The following PLCB4 variants were observed in gnomAD, a reference collection of about 807,000 sequenced individuals.
The protein encoded by PLCB4 is 1-phosphatidylinositol 4,5-bisphosphate phosphodiesterase beta-4.
In PLCB4, 77 loss-of-function variants were observed where a neutral mutation model predicts 178.8. That is an observed-to-expected ratio of 0.43 (90% CI 0.36 to 0.52). The LOEUF is 0.52. PLCB4 is among the 20% of genes least tolerant of loss of function. The pLI is 0.00. For missense variants in PLCB4, 1,024 were observed against 1,453.4 expected (o/e 0.70, Z 4.80); for synonymous variants, 496 against 490.8 (o/e 1.01, Z -0.14).
intron 2 of PLCB4, among the ~76,000 whole-genome samples, chr20:9,192,060 C>T (rs1429947549): frequency 6.6e-6 from 1 of 152,078 alleles, no homozygotes; most frequent in African/African-American, 2.4e-5. Context: ...CCTTTTGCAT[C>T]TAAAAGCAGG....
intron 3 of PLCB4, among the ~76,000 whole-genome samples, chr20:9,287,511 A>G (rs1284974464): frequency 6.6e-6 from 1 of 152,182 alleles, no homozygotes; most frequent in Middle Eastern, 3.4e-3. Flanking sequence ...AAGAACTAAT[A>G]AGCAATGATT....
intron 2 of PLCB4, among the ~76,000 whole-genome samples, chr20:9,156,328 CACTA>C (rs1441100223): frequency 6.6e-6 from 1 of 152,154 alleles, no homozygotes; most frequent in Non-Finnish European, 1.5e-5. Context: ...ACTGACATGG[CACTA>C]ACTATGTGCT....
At chr20:9,266,191 A>T (rs1170928285) in intron 3 of PLCB4, among the ~76,000 whole-genome samples, 2 of 152,164 alleles carry the variant, frequency 1.3e-5, no homozygotes, top group Admixed American at 1.3e-4. Context: ...CAACATTGCT[A>T]TCTCTGGAGA....
At chr20:9,444,694 A>G (rs769945626) in intron 32 of PLCB4, among the ~76,000 whole-genome samples, 1 of 152,274 alleles carries the variant, frequency 6.6e-6, no homozygotes, top group Non-Finnish European at 1.5e-5. Flanking sequence ...CCCGGGAGGC[A>G]GAGGTTGCAG....
At chr20:9,388,173 G>T (rs1261281931) in intron 15 of PLCB4, among the ~76,000 whole-genome samples, 1 of 152,152 alleles carries the variant, frequency 6.6e-6, no homozygotes, top group Non-Finnish European at 1.5e-5. Flanking sequence ...GAGAGGTGGA[G>T]GTTGCAGTGA....
intron 28 of PLCB4, among the ~76,000 whole-genome samples, chr20:9,425,740 C>T (rs1347283025): frequency 6.6e-6 from 1 of 152,192 alleles, no homozygotes; most frequent in African/African-American, 2.4e-5. Context: ...GCAGTCGATG[C>T]CTTAACCAGA....
chr20:9,443,876 G>T, intron 30 of PLCB4, 105 bp from the exon 31 acceptor site: 1 of 671,996 alleles, frequency 1.5e-6, no homozygotes, highest in East Asian at 2.5e-5. Flanking sequence ...ATGTAAAGCT[G>T]CTTCAAAGTC....
intron 1 of PLCB4, among the ~76,000 whole-genome samples, chr20:9,090,137 C>G (rs530723929): frequency 1.3e-5 from 2 of 151,656 alleles, no homozygotes; most frequent in Non-Finnish European, 2.9e-5. Flanking sequence ...AATCATTGGC[C>G]TTTGGTGAAG....
At chr20:9,425,123 G>T (rs2040909557) in intron 28 of PLCB4, among the ~76,000 whole-genome samples, 1 of 152,134 alleles carries the variant, frequency 6.6e-6, no homozygotes, top group Non-Finnish European at 1.5e-5. Flanking sequence ...AAAAAGCCTG[G>T]AAAGGGATGC....
intron 2 of PLCB4, among the ~76,000 whole-genome samples, chr20:9,213,335 G>T (rs547872306): frequency 6.6e-6 from 1 of 150,742 alleles, no homozygotes; most frequent in South Asian, 2.1e-4. Flanking sequence ...AGTAGAGACA[G>T]GATTTCACTA....
chr20:9,128,106 C>T (rs1427318521), intron 2 of PLCB4, among the ~76,000 whole-genome samples: 1 of 152,140 alleles, frequency 6.6e-6, no homozygotes, highest in Non-Finnish European at 1.5e-5. Flanking sequence ...GCACGGATCC[C>T]TCATGAATGG....
chr20:9,459,548 C>G, intron 34 of PLCB4, 87 bp from the exon 35 acceptor site: 1 of 912,356 alleles, frequency 1.1e-6, no homozygotes. Flanking sequence ...GTGGGAGGAA[C>G]CTGAAATACC....
At chr20:9,227,399 A>G (rs933392708) in intron 3 of PLCB4, among the ~76,000 whole-genome samples, 4 of 152,026 alleles carry the variant, frequency 2.6e-5, no homozygotes, top group African/African-American at 9.7e-5. Flanking sequence ...TTAAGAATCC[A>G]AGTTTATGAA....
Position 9,184,249 on chromosome 20 carries a change from G to A in PLCB4, c.-78-33141G>A, listed in dbSNP as rs543794267. Among the ~76,000 whole-genome samples the A allele has an allele frequency of 5.3e-5, 8 of 152,218 alleles. No homozygotes were observed. The East Asian group carries it at 9.7e-4, about 18-fold the overall frequency. On this transcript the variant is annotated intron_variant, in intron 2 of 39. Coordinates refer to ENST00000378473, the MANE Select transcript of PLCB4 (RefSeq NM_001377142.1). The stretch of plus-strand genomic sequence containing the variant: ...GTGGTCATGGGAAAAAACGGAAAAG[G>A]GATCAGCATTCTTTAGCTTCTTTTA...
intron 38 of PLCB4, among the ~76,000 whole-genome samples, chr20:9,473,707 T>C (rs919308131): frequency 6.6e-6 from 1 of 152,212 alleles, no homozygotes; most frequent in African/African-American, 2.4e-5. Flanking sequence ...TTGCAAACTA[T>C]AGGCAAGGGA....
At chr20:9,362,499 C>A (rs972697689) in intron 7 of PLCB4, among the ~76,000 whole-genome samples, 1 of 152,166 alleles carries the variant, frequency 6.6e-6, no homozygotes, top group African/African-American at 2.4e-5. Context: ...AACCCCTATT[C>A]ATTTATCCTC....
At position 9,457,517 on chromosome 20, in the gene PLCB4, T is replaced by C. The variant is rs115275420; in HGVS notation, c.3072+28T>C. The C allele has an allele frequency of 1.3e-3, 1,386 of 1,053,622 alleles. 11 individuals carry two copies. The African/African-American group carries it at 0.017, about 13-fold the overall frequency. The allele number at this position is 1,053,622 out of a possible 1,614,324, so 65.3% of individuals were successfully genotyped here. A position where few individuals can be genotyped will look rare whatever the true frequency, so the allele number is the denominator to read the frequency against. On this transcript the variant is annotated intron_variant, in intron 34 of 39. Coordinates refer to ENST00000378473, the MANE Select transcript of PLCB4 (RefSeq NM_001377142.1). ...AAGAAAATGCCCATTTTTACAGCAG[T>C]GACTTGCAGAAGACACTTTGTAATT...
Position 9,373,034 on chromosome 20 carries a change from A to C in PLCB4, c.687-13A>C, listed in dbSNP as rs543826570. ...ATACAAAAACTTACTTTTTCTAATA[A>C]ATTTCTTTTCAGCAATGGAGACAAA... On this transcript the variant is annotated splice_polypyrimidine_tract_variant and intron_variant, in intron 11 of 39. Transcript: ENST00000378473. 103 of 1,326,044 alleles carry C rather than the reference A, an allele frequency of 7.8e-5. No homozygotes were observed. In the East Asian group the frequency reaches 2.1e-3, roughly 27 times the overall value. The allele number at this position is 1,326,044 out of a possible 1,614,324, so 82.1% of individuals were successfully genotyped here.
intron 7 of PLCB4, among the ~76,000 whole-genome samples, chr20:9,339,906 T>C (rs979878524): frequency 1.3e-5 from 2 of 152,164 alleles, no homozygotes; most frequent in Non-Finnish European, 2.9e-5. Flanking sequence ...CTCGTAAATA[T>C]TTTGTCTGCT....
Sources: gnomAD v4.1 joint callset for allele counts (sites outside exome capture counted in the v4.1 genomes callset) on GRCh38, gnomAD v4.1.1 for gene constraint, MANE v1.5 for transcripts, NCBI Gene and HGNC (gene_info 2026-07-23, HGNC 2026-07-21) for gene names.